IRAK3: variants seen among roughly 807,000 people sequenced by gnomAD.
The protein encoded by IRAK3 is interleukin-1 receptor-associated kinase 3.
Under a neutral mutation model 56.6 loss-of-function variants are expected in IRAK3, and 57 were observed. The observed-to-expected ratio is 1.01, with a 90% CI of 0.81 to 1.26. The LOEUF is 1.26. IRAK3 is among the 50% of genes most tolerant of loss of function. The pLI is 0.00. For synonymous variants in IRAK3, 258 were observed against 255.7 expected, an observed-to-expected ratio of 1.01 and a Z score of -0.09; for missense variants, 703 against 719.0, an observed-to-expected ratio of 0.98 and a Z score of 0.25.
intron 1 of IRAK3, chr12:66,196,692 T>C: frequency 5.6e-6 from 1 of 179,698 alleles, no homozygotes; most frequent in Non-Finnish European, 1.1e-5. Context: ...TCTTATAAAA[T>C]ATATTAACTA....
At chr12:66,246,838 G>T (rs1167266238) in intron 11 of IRAK3, among the ~76,000 whole-genome samples, 4 of 152,122 alleles carry the variant, frequency 2.6e-5, no homozygotes, top group Non-Finnish European at 5.9e-5. Flanking sequence ...TACATCAAGG[G>T]TTCTCACATC....
At chr12:66,246,997 C>T (rs930989461) in intron 11 of IRAK3, among the ~76,000 whole-genome samples, 1 of 152,128 alleles carries the variant, frequency 6.6e-6, no homozygotes, top group African/African-American at 2.4e-5. Context: ...TAGTCAGGGG[C>T]CCTGGCTCAC....
At chr12:66,234,377 C>T in intron 8 of IRAK3, 1 of 1,612,106 alleles carries the variant, frequency 6.2e-7, no homozygotes, top group Non-Finnish European at 8.5e-7. Context: ...AGGTTGCGTC[C>T]AAGAAGGACT....
At chr12:66,202,018 G>A (rs1565799498) in intron 1 of IRAK3, among the ~76,000 whole-genome samples, 1 of 152,200 alleles carries the variant, frequency 6.6e-6, no homozygotes, top group African/African-American at 2.4e-5. Context: ...TCTCACAGGG[G>A]TATGGGTTGG....
intron 2 of IRAK3, among the ~76,000 whole-genome samples, chr12:66,205,570 C>T (rs943336792): frequency 1.3e-5 from 2 of 152,152 alleles, no homozygotes; most frequent in African/African-American, 4.8e-5. Flanking sequence ...GCTCAACAGG[C>T]GTTTCCTATC....
chr12:66,197,976 T>C (rs1468556483), intron 1 of IRAK3: 12 of 985,288 alleles, frequency 1.2e-5, no homozygotes, highest in Non-Finnish European at 1.3e-5. Flanking sequence ...TGACATTCCC[T>C]GGGACTTGAA....
At chr12:66,196,004 C>CTAA (rs1186513628) in intron 1 of IRAK3, among the ~76,000 whole-genome samples, 1 of 151,264 alleles carries the variant, frequency 6.6e-6, no homozygotes, top group African/African-American at 2.4e-5. Flanking sequence ...CTCTCTTATG[C>CTAA]CTCTTTTCCA....
At chr12:66,204,776 G>GCGCGCA (rs1555202792) in intron 2 of IRAK3, among the ~76,000 whole-genome samples, 1 of 77,066 alleles carries the variant, frequency 1.3e-5, no homozygotes, top group African/African-American at 7.6e-5. Context: ...ATGAGCCCTT[G>GCGCGCA]CGCACACACA....
At chr12:66,229,115 T>C (rs961240892) in intron 8 of IRAK3, among the ~76,000 whole-genome samples, 4 of 152,172 alleles carry the variant, frequency 2.6e-5, no homozygotes, top group Non-Finnish European at 5.9e-5. Flanking sequence ...CAGTAGTAAA[T>C]AGCAATAAAA....
intron 7 of IRAK3, among the ~76,000 whole-genome samples, chr12:66,227,723 G>A (rs2052801750): frequency 6.7e-6 from 1 of 148,574 alleles, no homozygotes; most frequent in Non-Finnish European, 1.5e-5. Flanking sequence ...TTCTGCCACT[G>A]TACTCCAGCT....
At chr12:66,196,585 G>A (rs2052455303) in intron 1 of IRAK3, among the ~76,000 whole-genome samples, 1 of 152,130 alleles carries the variant, frequency 6.6e-6, no homozygotes, top group African/African-American at 2.4e-5. Context: ...AGACAGAGGG[G>A]CACCTGAGAA....
Position 66,245,141 on chromosome 12 carries a change from C to A in IRAK3, c.1193C>A (p.Ser398Ter). The A allele has an allele frequency of 6.2e-7, 1 of 1,614,164 alleles. No homozygotes were observed. Among genetic ancestry groups the A allele is most frequent in the Non-Finnish European group, 8.5e-7 (1 of 1,180,012 alleles). Residue 398 changes from serine to a stop codon, truncating the protein, a stop_gained, in exon 11 of 12, where the codon TCA (serine) becomes TAA (stop). Coordinates refer to ENST00000261233, the MANE Select transcript of IRAK3 (RefSeq NM_007199.3). LOFTEE classifies it high-confidence loss of function. ...RELMEKRGLD[S>*]CLSFLDKKVP... ...TTGATGGAGAAGAGAGGCCTGGATT[C>A]ATGTCTCTCATTTCTAGATAAGAAA...
chr12:66,203,376 T>C (rs1403933191), intron 1 of IRAK3, among the ~76,000 whole-genome samples: 2 of 152,218 alleles, frequency 1.3e-5, no homozygotes, highest in East Asian at 3.9e-4. Context: ...GGGACCATCA[T>C]AGATTGGAGG....
At chr12:66,232,608 T>C (rs2052855213) in intron 8 of IRAK3, among the ~76,000 whole-genome samples, 1 of 152,212 alleles carries the variant, frequency 6.6e-6, no homozygotes, top group African/African-American at 2.4e-5. Context: ...ATTACCCTCC[T>C]GAATCTCTTT....
chr12:66,228,789 C>T (rs1482209138), intron 8 of IRAK3, among the ~76,000 whole-genome samples: 4 of 152,124 alleles, frequency 2.6e-5, no homozygotes, highest in African/African-American at 9.7e-5. Flanking sequence ...CAATGAATTG[C>T]ATGAGGTAGT....
chr12:66,228,043 T>G (rs927941774), intron 7 of IRAK3, among the ~76,000 whole-genome samples: 11 of 152,160 alleles, frequency 7.2e-5, no homozygotes, highest in African/African-American at 2.7e-4. Context: ...AGTATTTTCG[T>G]TGTCTATAAA....
intron 1 of IRAK3, among the ~76,000 whole-genome samples, chr12:66,193,101 G>C (rs1050913021): frequency 1.5e-4 from 23 of 151,910 alleles, no homozygotes; most frequent in African/African-American, 4.8e-4. Flanking sequence ...TCCGCCTCCC[G>C]GGTTCAAATG....
intron 8 of IRAK3, among the ~76,000 whole-genome samples, chr12:66,240,868 G>C (rs984752653): frequency 3.4e-5 from 5 of 148,736 alleles, no homozygotes; most frequent in African/African-American, 1.2e-4. Flanking sequence ...ATATATGTGG[G>C]TATATATATC....
Position 66,217,182 on chromosome 12 carries a change from G to A in IRAK3, c.600G>A (p.Met200Ile). 1 of 1,608,080 alleles carries A rather than the reference G, an allele frequency of 6.2e-7. No homozygotes were observed. The change falls in exon 6 of 12, where the codon ATG becomes ATA. Residue 200 changes from methionine to isoleucine, a missense_variant. Coordinates refer to ENST00000261233, the MANE Select transcript of IRAK3 (RefSeq NM_007199.3). ...TTCTGTATATGTAGGAGAAAAAAAT[G>A]CAGTGTAAGAAGCATTGGAAGAGGT... ...AVKLFKQEKK[M>I]QCKKHWKRFL...
Sources: allele counts gnomAD v4.1 joint callset (sites outside exome capture counted in the v4.1 genomes callset), GRCh38; gene constraint gnomAD v4.1.1; transcripts MANE v1.5; gene names NCBI Gene and HGNC (gene_info 2026-07-23, HGNC 2026-07-21).